The following ABCB1 variants were observed in gnomAD, a reference collection of about 807,000 sequenced individuals.
ABCB1 encodes the protein ATP binding cassette subfamily B member 1.
A neutral mutation model predicts 142.0 loss-of-function variants in ABCB1; 69 were observed. That is an observed-to-expected ratio of 0.49 (90% confidence interval 0.40 to 0.59). The LOEUF (loss-of-function observed/expected upper bound fraction) is 0.59. Ranked by LOEUF, ABCB1 falls within the 20% of genes least tolerant of loss-of-function variation. The pLI, the probability that ABCB1 is intolerant of heterozygous loss-of-function variation, is 0.00. For missense variants in ABCB1, 1,326 were observed against 1,554.7 expected (o/e 0.85, Z 2.47); for synonymous variants, 532 against 539.2 (o/e 0.99, Z 0.18).
intron 1 of ABCB1, among the ~76,000 whole-genome samples, chr7:87,634,645 A>T (rs1821581598): frequency 6.6e-6 from 1 of 152,158 alleles, no homozygotes; most frequent in Admixed American, 6.5e-5. Flanking sequence ...AAAGAAAAAA[A>T]AAAGAACTTT....
At chr7:87,631,704 T>G (rs954133059) in intron 1 of ABCB1, among the ~76,000 whole-genome samples, 1 of 152,228 alleles carries the variant, frequency 6.6e-6, no homozygotes, top group Admixed American at 6.5e-5. Flanking sequence ...CTCTTTATTT[T>G]TATATCTCAA....
Position 87,530,830 on chromosome 7 carries a change from CAAGA to C in ABCB1, c.2685+460_2685+463del, listed in dbSNP as rs1241023862. Among the ~76,000 whole-genome samples the C allele has an allele frequency of 3.0e-4, 13 of 43,404 alleles. No individual in the cohort carries two copies. In the East Asian group the frequency reaches 3.3e-3, roughly 11 times the overall value. The allele number at this position is 43,404 out of a possible 152,430, so 28.5% of individuals were successfully genotyped here. A position where few individuals can be genotyped will look rare whatever the true frequency, so the allele number is the denominator to read the frequency against. On this transcript the variant is annotated intron_variant, in intron 21 of 27. Coordinates refer to ENST00000622132, the MANE Select transcript of ABCB1 (RefSeq NM_001348946.2). ...GCAAGAAAGCAAGAAAGCAAGAAAG[CAAGA>C]AAGCAAGAAAGAAAGAAAGAAAGAA...
intron 14 of ABCB1, 117 bp from the exon 15 acceptor site, chr7:87,546,141 A>AT: frequency 1.0e-6 from 1 of 972,912 alleles, no homozygotes; most frequent in South Asian, 1.4e-5. Context: ...TCAAATCTAT[A>AT]TAAGATAGCC....
At chr7:87,556,377 T>C (rs1584877697) in intron 8 of ABCB1, among the ~76,000 whole-genome samples, 1 of 152,316 alleles carries the variant, frequency 6.6e-6, no homozygotes, top group Non-Finnish European at 1.5e-5. Flanking sequence ...AACTATTCTA[T>C]ACGATTGAAT....
intron 4 of ABCB1, among the ~76,000 whole-genome samples, chr7:87,572,423 T>A (rs1818090553): frequency 6.6e-6 from 1 of 152,206 alleles, no homozygotes; most frequent in Non-Finnish European, 1.5e-5. Context: ...CAAAATTGCC[T>A]CCTTTATGTT....
chr7:87,681,521 T>TTA (rs1246954482), intron 1 of ABCB1, among the ~76,000 whole-genome samples: 1 of 150,846 alleles, frequency 6.6e-6, no homozygotes. Context: ...TGTAATCTAT[T>TTA]AAGTGTGTAA....
intron 1 of ABCB1, among the ~76,000 whole-genome samples, chr7:87,657,627 C>G (rs1824241030): frequency 6.6e-6 from 1 of 152,118 alleles, no homozygotes; most frequent in Non-Finnish European, 1.5e-5. Context: ...CACTGTGGAG[C>G]CTAGGCTGCC....
At chr7:87,695,704 A>G (rs1828440350) in intron 1 of ABCB1, among the ~76,000 whole-genome samples, 1 of 152,118 alleles carries the variant, frequency 6.6e-6, no homozygotes, top group Non-Finnish European at 1.5e-5. Context: ...TAACAGATTC[A>G]TTTATATTTT....
chr7:87,668,187 A>G (rs929740931), intron 1 of ABCB1, among the ~76,000 whole-genome samples: 1 of 151,166 alleles, frequency 6.6e-6, no homozygotes, highest in Non-Finnish European at 1.5e-5. Flanking sequence ...CTGCTCAGGG[A>G]ATCAGTTTCT....
intron 1 of ABCB1, among the ~76,000 whole-genome samples, chr7:87,614,279 C>G (rs531675443): frequency 5.0e-4 from 76 of 152,200 alleles, no homozygotes; most frequent in African/African-American, 1.7e-3. Flanking sequence ...CACCTGTATT[C>G]TTAGCTACTA....
intron 1 of ABCB1, among the ~76,000 whole-genome samples, chr7:87,701,876 G>A (rs576298657): frequency 6.6e-6 from 1 of 152,140 alleles, no homozygotes; most frequent in Admixed American, 6.5e-5. Context: ...GGGCGCGGTG[G>A]CTCACGCCTG....
At chr7:87,633,079 G>T (rs935220033) in intron 1 of ABCB1, among the ~76,000 whole-genome samples, 2 of 152,170 alleles carry the variant, frequency 1.3e-5, no homozygotes, top group African/African-American at 4.8e-5. Context: ...TTCAGAACTT[G>T]AATATTATTT....
At chr7:87,637,536 C>T (rs539888036) in intron 1 of ABCB1, among the ~76,000 whole-genome samples, 34 of 152,192 alleles carry the variant, frequency 2.2e-4, no homozygotes, top group Admixed American at 5.9e-4. Flanking sequence ...TTAAGACTTA[C>T]GTGCAACCCA....
At chr7:87,646,075 T>A (rs1303425390) in intron 1 of ABCB1, among the ~76,000 whole-genome samples, 1 of 152,240 alleles carries the variant, frequency 6.6e-6, no homozygotes, top group African/African-American at 2.4e-5. Flanking sequence ...TGGACTTCGC[T>A]TTTGTTTTAG....
intron 1 of ABCB1, among the ~76,000 whole-genome samples, chr7:87,625,171 G>C (rs1265182422): frequency 3.3e-5 from 5 of 152,210 alleles, no homozygotes; most frequent in East Asian, 1.9e-4. Flanking sequence ...GCAGGAGAAC[G>C]GCATGAACCC....
At position 87,506,787 on chromosome 7, in the gene ABCB1, C is replaced by A. The variant is rs1814771903; in HGVS notation, c.3490-744G>T. On this transcript the variant is annotated intron_variant, in intron 26 of 27. Coordinates refer to ENST00000622132, the MANE Select transcript of ABCB1 (RefSeq NM_001348946.2). ...ACAATACTATCTTATTATTTCCAGG[C>A]TGAAATTTTAGTACAGGGTTGCCTA... 2.0e-5 allele frequency among the ~76,000 whole-genome samples: 3 copies of A among 152,238 alleles called. No individual in the cohort carries two copies. The South Asian group carries it at 6.2e-4, about 32-fold the overall frequency.
intron 3 of ABCB1, among the ~76,000 whole-genome samples, chr7:87,589,789 A>AAGAGAGAGAGAGAGAGG (rs1818909335): frequency 2.9e-5 from 4 of 137,634 alleles, no homozygotes; most frequent in Admixed American, 2.2e-4. Flanking sequence ...TAAAAAAAGA[A>AAGAGAGAGAGAGAGAGG]AGAGAGAGAG....
At chr7:87,534,765 A>G (rs1044090669) in intron 20 of ABCB1, among the ~76,000 whole-genome samples, 1 of 151,878 alleles carries the variant, frequency 6.6e-6, no homozygotes, top group East Asian at 1.9e-4. Flanking sequence ...AAATTTAAAA[A>G]TTAGCTCGAC....
Position 87,549,759 on chromosome 7 carries a change from T to C in ABCB1, c.1554+92A>G, listed in dbSNP as rs1211286747. 9 of 1,477,682 alleles carry C rather than the reference T, an allele frequency of 6.1e-6. No individual in the cohort carries two copies. In the East Asian group the frequency reaches 2.0e-4, roughly 33 times the overall value. The allele number at this position is 1,477,682 out of a possible 1,614,324, so 91.5% of individuals were successfully genotyped here. A position where few individuals can be genotyped will look rare whatever the true frequency, so the allele number is the denominator to read the frequency against. On this transcript the variant is annotated intron_variant, in intron 13 of 27. Coordinates refer to ENST00000622132, the MANE Select transcript of ABCB1 (RefSeq NM_001348946.2). The stretch of plus-strand genomic sequence containing the variant: ...TTTCCCTTCTTAGGATTTCCCTTCT[T>C]CCGATTTATAGTAGTTTCCTAACTT...
Sources: allele counts gnomAD v4.1 joint callset (sites outside exome capture counted in the v4.1 genomes callset), GRCh38; gene constraint gnomAD v4.1.1; transcripts MANE v1.5; gene names NCBI Gene and HGNC (gene_info 2026-07-23, HGNC 2026-07-21).